The following FGF12 variants were observed in gnomAD, a reference collection of about 807,000 sequenced individuals.
FGF12 encodes fibroblast growth factor 12B.
A neutral mutation model predicts 23.6 loss-of-function variants in FGF12; 14 were observed. The observed-to-expected ratio is 0.59, with a 90% CI of 0.39 to 0.93. The LOEUF is 0.93. Among genes scored for constraint, FGF12 ranks in the 40% least tolerant of loss-of-function variants. The pLI, the probability that FGF12 is intolerant of heterozygous loss-of-function variation, is 0.00. For synonymous variants in FGF12, 62 were observed against 77.3 expected (o/e 0.80, Z 1.04); for missense variants, 175 against 217.8 (o/e 0.80, Z 1.24).
chr3:192,361,842 A>G (rs558459719), intron 2 of FGF12, among the ~76,000 whole-genome samples: 13 of 152,300 alleles, frequency 8.5e-5, no homozygotes, highest in Admixed American at 3.3e-4. Context: ...CTCTATCAAC[A>G]CATCTTTTTC....
chr3:192,552,828 T>G (rs1287864254), intron 2 of FGF12, among the ~76,000 whole-genome samples: 2 of 152,012 alleles, frequency 1.3e-5, no homozygotes, highest in Non-Finnish European at 2.9e-5. Context: ...GTAGCAAAAG[T>G]TGCAGTGAGC....
At position 192,141,929 on chromosome 3, in the gene FGF12, CT is replaced by C. The variant is rs938366690; in HGVS notation, c.*2079del. Reference sequence around the variant, plus strand: ...TAAGCTTTGTGCTTGGGATTTTTTTCTTTTTTTTTTTGGTTCTGGTAGTGAC... The same window carrying C: ...TAAGCTTTGTGCTTGGGATTTTTTTCTTTTTTTTTTGGTTCTGGTAGTGAC... On this transcript the variant is annotated 3_prime_UTR_variant, in exon 6 of 6. Transcript: ENST00000445105. 123 of 139,208 alleles carry C rather than the reference CT, an allele frequency of 8.8e-4. No homozygotes were observed. The highest frequency in any genetic ancestry group is 3.5e-3 in the Middle Eastern group (1 of 284). The allele number at this position is 139,208 out of a possible 1,614,324, so 8.6% of individuals were successfully genotyped here. A position where few individuals can be genotyped will look rare whatever the true frequency, so the allele number is the denominator to read the frequency against.
At chr3:192,724,032 AGAAAGGGAGGAAGG>A (rs1368077081) in intron 2 of FGF12, among the ~76,000 whole-genome samples, 4 of 136,120 alleles carry the variant, frequency 2.9e-5, no homozygotes, top group Non-Finnish European at 6.2e-5. Context: ...AAAGGGAGGG[AGAAAGGGAGGAAGG>A]GAAAGGGAGG....
chr3:192,346,759 G>A (rs898330466), intron 3 of FGF12, among the ~76,000 whole-genome samples: 1 of 152,152 alleles, frequency 6.6e-6, no homozygotes, highest in African/African-American at 2.4e-5. Context: ...AGGCAACAAT[G>A]AATGTTGTGA....
At chr3:192,202,115 A>G (rs1424247632) in intron 4 of FGF12, among the ~76,000 whole-genome samples, 2 of 152,200 alleles carry the variant, frequency 1.3e-5, no homozygotes, top group African/African-American at 4.8e-5. Flanking sequence ...TCTATGCAAA[A>G]ATGTCTTAAG....
chr3:192,502,453 C>T (rs1323863828), intron 2 of FGF12, among the ~76,000 whole-genome samples: 1 of 152,192 alleles, frequency 6.6e-6, no homozygotes, highest in African/African-American at 2.4e-5. Context: ...TTGCAATCTA[C>T]GTTGTATAAC....
chr3:192,533,161 C>T (rs550273760), intron 2 of FGF12, among the ~76,000 whole-genome samples: 83 of 152,140 alleles, frequency 5.5e-4, no homozygotes, highest in Non-Finnish European at 1.1e-3. Flanking sequence ...ATAATGGTTC[C>T]TTACAATCTA....
intron 2 of FGF12, among the ~76,000 whole-genome samples, chr3:192,434,353 A>T (rs1415478487): frequency 6.6e-6 from 1 of 152,160 alleles, no homozygotes; most frequent in Non-Finnish European, 1.5e-5. Flanking sequence ...AATAAGAAAA[A>T]CAAGGCATGG....
rs148336967 is a variant in FGF12, at chr3:192,713,620, G to A, written c.13+13561C>T. 4.2e-3 allele frequency among the ~76,000 whole-genome samples: 645 copies of A among 152,316 alleles called. 3 individuals are homozygous for A. The highest frequency in any genetic ancestry group is 0.015 in the African/African-American group (621 of 41,564). On this transcript the variant is annotated intron_variant, in intron 2 of 5. Coordinates refer to ENST00000445105, the MANE Select transcript of FGF12 (RefSeq NM_004113.6). Reference sequence around the variant, plus strand: ...ACTAAGACACGATTCACTGGGGTCAGTTGAGATTAAAAGAGGTTGCTCAGA... The same window carrying A: ...ACTAAGACACGATTCACTGGGGTCAATTGAGATTAAAAGAGGTTGCTCAGA...
chr3:192,235,975 A>G (rs530493474), intron 4 of FGF12, among the ~76,000 whole-genome samples: 32 of 152,182 alleles, frequency 2.1e-4, no homozygotes, highest in African/African-American at 7.7e-4. Context: ...GATCTTTCTA[A>G]CTGCTTGATG....
chr3:192,530,660 C>T (rs1388628442), intron 2 of FGF12, among the ~76,000 whole-genome samples: 1 of 152,066 alleles, frequency 6.6e-6, no homozygotes, highest in Non-Finnish European at 1.5e-5. Flanking sequence ...CATCAAAATT[C>T]TATAAGAAGT....
At chr3:192,662,786 G>T (rs150167041) in intron 2 of FGF12, among the ~76,000 whole-genome samples, 107 of 152,186 alleles carry the variant, frequency 7.0e-4, no homozygotes, top group African/African-American at 2.1e-3. Context: ...GAGTCTTATT[G>T]ATTACCAGAA....
intron 2 of FGF12, among the ~76,000 whole-genome samples, chr3:192,460,742 C>T (rs183992512): frequency 5.3e-5 from 8 of 150,784 alleles, no homozygotes; most frequent in Non-Finnish European, 8.9e-5. Flanking sequence ...TAGTGCCTTA[C>T]AGTTGGAAAC....
intron 2 of FGF12, among the ~76,000 whole-genome samples, chr3:192,682,997 T>G (rs1356305408): frequency 6.6e-6 from 1 of 152,210 alleles, no homozygotes; most frequent in Non-Finnish European, 1.5e-5. Flanking sequence ...AGCTCAATAT[T>G]TGAAACTCTT....
chr3:192,326,529 G>A (rs116146197), intron 4 of FGF12, among the ~76,000 whole-genome samples: 2,003 of 151,988 alleles, frequency 0.013, 52 homozygotes, highest in African/African-American at 0.046. Context: ...AATCAGTATC[G>A]TCATCTCACA....
chr3:192,541,821 C>T (rs548919944), intron 2 of FGF12, among the ~76,000 whole-genome samples: 9 of 152,008 alleles, frequency 5.9e-5, no homozygotes, highest in African/African-American at 2.2e-4. Context: ...AAGTTTTTCT[C>T]CTTCAGCACG....
intron 2 of FGF12, among the ~76,000 whole-genome samples, chr3:192,682,349 T>C (rs1717563460): frequency 6.6e-6 from 1 of 152,178 alleles, no homozygotes; most frequent in African/African-American, 2.4e-5. Context: ...AAAATTTCCG[T>C]CCGGGTCCCA....
intron 3 of FGF12, among the ~76,000 whole-genome samples, chr3:192,346,987 A>G (rs1413243562): frequency 6.6e-6 from 1 of 152,156 alleles, no homozygotes; most frequent in African/African-American, 2.4e-5. Context: ...AAAATTGAAG[A>G]AAAAAACCAA....
intron 2 of FGF12, among the ~76,000 whole-genome samples, chr3:192,719,853 T>C: frequency 6.6e-6 from 1 of 151,126 alleles, no homozygotes; most frequent in Non-Finnish European, 1.5e-5. Flanking sequence ...GAAGCATATC[T>C]AGATTTTTCA....
Sources: allele counts gnomAD v4.1 joint callset (sites outside exome capture counted in the v4.1 genomes callset), GRCh38; gene constraint gnomAD v4.1.1; transcripts MANE v1.5; gene names NCBI Gene and HGNC (gene_info 2026-07-23, HGNC 2026-07-21).